Variants in EPHA5 observed in about 807,000 individuals in gnomAD.
The protein encoded by EPHA5 is EPH receptor A5, also known as ephrin type-A receptor 5.
A neutral mutation model predicts 105.0 loss-of-function variants in EPHA5; 60 were observed. The ratio of observed to expected loss-of-function variants is 0.57; its 90% CI spans 0.46 to 0.71. EPHA5 has a LOEUF of 0.71. EPHA5 is among the 30% of genes least tolerant of loss of function. The pLI, the probability that EPHA5 is intolerant of heterozygous loss-of-function variation, is 0.00. For synonymous variants in EPHA5, 513 were observed against 449.1 expected (o/e 1.14, Z -1.80); for missense variants, 1,218 against 1,274.7 (o/e 0.96, Z 0.68).
At chr4:65,461,725 G>A (rs920916845) in intron 5 of EPHA5, among the ~76,000 whole-genome samples, 1 of 151,870 alleles carries the variant, frequency 6.6e-6, no homozygotes, top group Non-Finnish European at 1.5e-5. Flanking sequence ...CATTTAATGG[G>A]TACAGCAAAA....
At chr4:65,610,936 A>C (rs1744707263) in intron 2 of EPHA5, among the ~76,000 whole-genome samples, 1 of 152,168 alleles carries the variant, frequency 6.6e-6, no homozygotes. Flanking sequence ...CTATGCCAAG[A>C]GATGATTAGG....
chr4:65,375,783 AC>A, intron 8 of EPHA5, among the ~76,000 whole-genome samples: 1 of 111,728 alleles, frequency 9.0e-6, no homozygotes, highest in Admixed American at 8.7e-5. Context: ...AAACACACAC[AC>A]ATACACACAC....
At chr4:65,395,628 T>G (rs1721147833) in intron 8 of EPHA5, among the ~76,000 whole-genome samples, 1 of 152,188 alleles carries the variant, frequency 6.6e-6, no homozygotes, top group Non-Finnish European at 1.5e-5. Flanking sequence ...AACTGAGACA[T>G]TTCAAATGGA....
chr4:65,501,607 A>T (rs1287830506), intron 3 of EPHA5, among the ~76,000 whole-genome samples: 1 of 151,786 alleles, frequency 6.6e-6, no homozygotes, highest in African/African-American at 2.4e-5. Flanking sequence ...ATCGTAGGTG[A>T]CACAAACAAA....
chr4:65,555,432 A>T (rs1298413305), intron 3 of EPHA5, among the ~76,000 whole-genome samples: 2 of 152,036 alleles, frequency 1.3e-5, no homozygotes, highest in East Asian at 3.9e-4. Context: ...TCAAAACAAA[A>T]ACTACCTAAT....
Position 65,669,853 on chromosome 4 carries a change from C to T in EPHA5, c.-111G>A. On this transcript the variant is annotated 5_prime_UTR_variant, in exon 1 of 17. Transcript: ENST00000613740. ...AGTCCTCCTTGTCCCCCCTTGGGGT[C>T]CTACGCCTTCTGGCACGCGGCTCCT... The T allele has an allele frequency of 8.1e-7, 1 of 1,228,996 alleles. No homozygotes were observed. Among genetic ancestry groups the T allele is most frequent in the Non-Finnish European group, 1.0e-6 (1 of 985,882 alleles). 76.1% of individuals were successfully genotyped at this position (1,228,996 alleles called of 1,614,324 possible).
chr4:65,587,784 C>T (rs11131603), intron 3 of EPHA5, among the ~76,000 whole-genome samples: 76,012 of 151,788 alleles, frequency 0.5, 20,378 homozygotes, highest in Middle Eastern at 0.65. Flanking sequence ...TACATTTTCT[C>T]CCTTTCTAGC....
chr4:65,352,869 C>A (rs1223307640), intron 12 of EPHA5, among the ~76,000 whole-genome samples, 173 bp downstream of exon 12: 2 of 150,936 alleles, frequency 1.3e-5, no homozygotes, highest in Non-Finnish European at 1.5e-5. Context: ...CTGAAACAAA[C>A]CTATGTTCAT....
At chr4:65,388,965 T>G (rs952592499) in intron 8 of EPHA5, among the ~76,000 whole-genome samples, 1 of 152,092 alleles carries the variant, frequency 6.6e-6, no homozygotes, top group Non-Finnish European at 1.5e-5. Flanking sequence ...TAAATTCCTA[T>G]GTAAATAATT....
At chr4:65,473,964 G>T (rs1729539753) in intron 5 of EPHA5, among the ~76,000 whole-genome samples, 1 of 141,976 alleles carries the variant, frequency 7.0e-6, no homozygotes, top group African/African-American at 2.6e-5. Flanking sequence ...TATAAGAAAT[G>T]AATTCTTTTT....
At chr4:65,524,635 C>T (rs189486567) in intron 3 of EPHA5, among the ~76,000 whole-genome samples, 86 of 151,804 alleles carry the variant, frequency 5.7e-4, no homozygotes, top group Middle Eastern at 3.4e-3. Flanking sequence ...TATTAAATAG[C>T]TTCTAGATGA....
intron 13 of EPHA5, 60 bp from the exon 14 acceptor site, chr4:65,348,263 G>A (rs1039810261): frequency 1.4e-6 from 2 of 1,465,022 alleles, no homozygotes; most frequent in Non-Finnish European, 1.9e-6. Flanking sequence ...TAGGGACAGT[G>A]TTGCCTCACT....
Position 65,573,632 on chromosome 4 carries a change from C to T in EPHA5, c.910+28009G>A, listed in dbSNP as rs556539103. On this transcript the variant is annotated intron_variant, in intron 3 of 16. Transcript: ENST00000613740. ...TTGTCAGAGGAATTGGCAGGTATTC[C>T]CGATCTGCCATGTATTCCAGAAAGG... 4.4e-6 allele frequency: 7 copies of T among 1,600,592 alleles called. No homozygotes were observed. In the Admixed American group the frequency reaches 8.4e-5, roughly 19 times the overall value.
intron 8 of EPHA5, among the ~76,000 whole-genome samples, chr4:65,395,813 A>G (rs1243319891): frequency 6.6e-6 from 1 of 152,260 alleles, no homozygotes; most frequent in Admixed American, 6.5e-5. Flanking sequence ...TCTAAGGAAC[A>G]TCATAGCATT....
At position 65,636,697 on chromosome 4, in the gene EPHA5, G is replaced by A. The variant is rs114470377; in HGVS notation, c.246+6666C>T. ...TACAGAATACGTGCTCTTCCCAGGT[G>A]TGTCGCTAACTACTTAAGTGACCTT... On this transcript the variant is annotated intron_variant, in intron 2 of 16. Coordinates refer to ENST00000613740, the MANE Select transcript of EPHA5 (RefSeq NM_001281766.3). Among the ~76,000 whole-genome samples, 1,234 of 152,196 alleles carry A rather than the reference G, an allele frequency of 8.1e-3. 19 individuals carry two copies. Among genetic ancestry groups the A allele is most frequent in the African/African-American group, 0.028 (1,155 of 41,524 alleles).
At chr4:65,615,010 T>C (rs1461560234) in intron 2 of EPHA5, among the ~76,000 whole-genome samples, 1 of 151,664 alleles carries the variant, frequency 6.6e-6, no homozygotes, top group African/African-American at 2.4e-5. Context: ...TAAAGAAAAA[T>C]GTAAAATTTA....
At position 65,321,852 on chromosome 4, in the gene EPHA5, A is replaced by G. The variant is rs1719663033; in HGVS notation, c.*2262T>C. Reference sequence around the variant, plus strand: ...CAATTGTGGCAAGTTCATCAGCCCTAAAGCATATGGTAATTTTCCTTTTGA... The same window carrying G: ...CAATTGTGGCAAGTTCATCAGCCCTGAAGCATATGGTAATTTTCCTTTTGA... On this transcript the variant is annotated 3_prime_UTR_variant, in exon 17 of 17. Transcript: ENST00000613740. 1 of 226,664 alleles carries G rather than the reference A, an allele frequency of 4.4e-6. No homozygotes were observed. Among genetic ancestry groups the G allele is most frequent in the East Asian group, 6.3e-5 (1 of 15,842 alleles). 14.0% of individuals were successfully genotyped at this position (226,664 alleles called of 1,614,324 possible).
At chr4:65,625,035 C>A (rs561796278) in intron 2 of EPHA5, among the ~76,000 whole-genome samples, 1 of 152,066 alleles carries the variant, frequency 6.6e-6, no homozygotes, top group African/African-American at 2.4e-5. Flanking sequence ...AAATGAACAC[C>A]TCAGATTTCA....
chr4:65,370,757 T>C (rs1170680678), intron 8 of EPHA5, among the ~76,000 whole-genome samples: 1 of 152,028 alleles, frequency 6.6e-6, no homozygotes, highest in Non-Finnish European at 1.5e-5. Context: ...AGGAGGGCAA[T>C]TGAAAGGAGT....
Sources: gnomAD v4.1 joint callset for allele counts (sites outside exome capture counted in the v4.1 genomes callset) on GRCh38, gnomAD v4.1.1 for gene constraint, MANE v1.5 for transcripts, NCBI Gene and HGNC (gene_info 2026-07-23, HGNC 2026-07-21) for gene names.